The following DTNB variants were observed in gnomAD, a reference collection of about 807,000 sequenced individuals.
The protein encoded by DTNB is DTN-B.
Under a neutral mutation model 90.7 loss-of-function variants are expected in DTNB, and 63 were observed. That is an observed-to-expected ratio of 0.69 (90% CI 0.57 to 0.86). The LOEUF (loss-of-function observed/expected upper bound fraction) is 0.86. DTNB is among the 40% of genes least tolerant of loss of function. The pLI, the probability that DTNB is intolerant of heterozygous loss-of-function variation, is 0.00. For missense variants in DTNB, 744 were observed against 807.1 expected (o/e 0.92, Z 0.95); for synonymous variants, 277 against 286.7 (o/e 0.97, Z 0.34).
intron 12 of DTNB, among the ~76,000 whole-genome samples, chr2:25,446,170 C>T (rs1046656962): frequency 1.3e-5 from 2 of 152,002 alleles, no homozygotes; most frequent in African/African-American, 2.4e-5. Context: ...ACTATTCAAC[C>T]GTCTGTTTTT....
chr2:25,581,115 T>G (rs1394257751), intron 6 of DTNB, among the ~76,000 whole-genome samples: 1 of 152,124 alleles, frequency 6.6e-6, no homozygotes, highest in African/African-American at 2.4e-5. Context: ...AAATAAACCA[T>G]TTAAAAGTTT....
intron 11 of DTNB, among the ~76,000 whole-genome samples, chr2:25,453,481 T>C (rs2059568159): frequency 6.6e-6 from 1 of 152,208 alleles, no homozygotes; most frequent in Non-Finnish European, 1.5e-5. Flanking sequence ...CACTCACTCA[T>C]CATGTTCTCC....
In DTNB at chr2:25,467,502, C is replaced by T. The variant is rs927187557; in HGVS notation, c.1080-12008G>A. ...AATTCTTTGTAAATATGTGGTCTTG[C>T]TGTGTTGCCCATACTGGTCTTGAAC... On this transcript the variant is annotated intron_variant, in intron 10 of 20. Coordinates refer to ENST00000406818, the MANE Select transcript of DTNB (RefSeq NM_021907.5). Among the ~76,000 whole-genome samples, 6 of 152,036 alleles carry T rather than the reference C, an allele frequency of 3.9e-5. No individual in the cohort carries two copies. The Middle Eastern group carries it at 0.017, about 431-fold the overall frequency.
intron 8 of DTNB, among the ~76,000 whole-genome samples, chr2:25,546,849 T>C (rs1252004579): frequency 6.6e-6 from 1 of 152,132 alleles, no homozygotes; most frequent in Non-Finnish European, 1.5e-5. Context: ...TATTCTTTTT[T>C]TTTTTTTCTT....
intron 1 of DTNB, among the ~76,000 whole-genome samples, chr2:25,653,465 C>T (rs1280623229): frequency 6.9e-6 from 1 of 144,294 alleles, no homozygotes; most frequent in Non-Finnish European, 1.5e-5. Flanking sequence ...GAAAAGAAAA[C>T]TGTTCAGAGC....
intron 8 of DTNB, among the ~76,000 whole-genome samples, chr2:25,552,896 C>T (rs1236264294): frequency 8.1e-6 from 1 of 123,082 alleles, no homozygotes; most frequent in Non-Finnish European, 1.6e-5. Context: ...CTCTGTCGCC[C>T]AGGTCGGACT....
chr2:25,623,962 G>A (rs2073480329), intron 4 of DTNB, among the ~76,000 whole-genome samples: 1 of 152,118 alleles, frequency 6.6e-6, no homozygotes, highest in Non-Finnish European at 1.5e-5. Context: ...GGCCATGATG[G>A]GAAGCTGGGG....
At chr2:25,651,751 C>T (rs896205598) in intron 2 of DTNB, among the ~76,000 whole-genome samples, 1 of 152,144 alleles carries the variant, frequency 6.6e-6, no homozygotes, top group Non-Finnish European at 1.5e-5. Context: ...TTGCGATATG[C>T]AGAATTCTAG....
chr2:25,488,911 A>T lies in DTNB; in HGVS notation c.1002-6038T>A, dbSNP rs951792275. Among the ~76,000 whole-genome samples, 9 of 152,330 alleles carry T rather than the reference A, an allele frequency of 5.9e-5. No homozygotes were observed. The South Asian group carries it at 8.3e-4, about 14-fold the overall frequency. On this transcript the variant is annotated intron_variant, in intron 9 of 20. Transcript: ENST00000406818. ...GGTGATCCATCTGCCACAGCCTCCC[A>T]AAGTGCTGGGGTTACAGGCGTGAGC... is the stretch of plus-strand genomic sequence containing the variant.
intron 16 of DTNB, among the ~76,000 whole-genome samples, chr2:25,411,985 G>A (rs2046738291): frequency 6.6e-6 from 1 of 152,176 alleles, no homozygotes; most frequent in Non-Finnish European, 1.5e-5. Flanking sequence ...GTATCCAAAG[G>A]CTAAGAAGGG....
chr2:25,662,659 CACACACACACACACACACACAA>C (rs1252451853), intron 1 of DTNB, among the ~76,000 whole-genome samples: 2 of 64,950 alleles, frequency 3.1e-5, no homozygotes, highest in East Asian at 4.6e-4. Context: ...AATACACACA[CACACACACACACACACACACAA>C]ACACACACAC....
At chr2:25,471,780 A>T (rs1341621633) in intron 10 of DTNB, among the ~76,000 whole-genome samples, 2 of 90,634 alleles carry the variant, frequency 2.2e-5, no homozygotes, top group Admixed American at 1.2e-4. Flanking sequence ...TTCCCTCCCC[A>T]CCCCCCCATT....
intron 1 of DTNB, among the ~76,000 whole-genome samples, chr2:25,659,779 G>A (rs1041615386): frequency 6.6e-6 from 1 of 151,898 alleles, no homozygotes; most frequent in Non-Finnish European, 1.5e-5. Context: ...TTCTGTGAAA[G>A]GAATCTGCAA....
At chr2:25,500,794 C>T (rs965958362) in intron 9 of DTNB, among the ~76,000 whole-genome samples, 59 of 151,988 alleles carry the variant, frequency 3.9e-4, no homozygotes, top group African/African-American at 1.4e-3. Context: ...ATAGCTAGGA[C>T]CAAAACAAAA....
chr2:25,610,998 C>A (rs933135868), intron 4 of DTNB, among the ~76,000 whole-genome samples: 2 of 152,230 alleles, frequency 1.3e-5, no homozygotes, highest in East Asian at 3.8e-4. Flanking sequence ...GCGTGAGCCA[C>A]TGCACCCAGC....
At chr2:25,552,921 C>T (rs1310719044) in intron 8 of DTNB, among the ~76,000 whole-genome samples, 8 of 136,172 alleles carry the variant, frequency 5.9e-5, no homozygotes, top group Admixed American at 3.3e-4. Flanking sequence ...ACTGCAGTGG[C>T]GCAATCTCGG....
intron 3 of DTNB, among the ~76,000 whole-genome samples, chr2:25,633,543 G>GC (rs2076266981): frequency 1.3e-5 from 2 of 152,012 alleles, no homozygotes; most frequent in South Asian, 2.1e-4. Flanking sequence ...GCCTGCCTTG[G>GC]CCCCCCAAAG....
chr2:25,456,631 G>T (rs77240169), intron 10 of DTNB, among the ~76,000 whole-genome samples: 2,383 of 152,100 alleles, frequency 0.016, 22 homozygotes, highest in Non-Finnish European at 0.025. Context: ...AGAGTGCAAT[G>T]GCATGATCTC....
intron 1 of DTNB, among the ~76,000 whole-genome samples, chr2:25,663,216 T>C (rs1341537818): frequency 6.6e-6 from 1 of 152,212 alleles, no homozygotes; most frequent in Non-Finnish European, 1.5e-5. Context: ...TCCAGCTTCA[T>C]CCATGTCCCT....
Sources: gnomAD v4.1 joint callset for allele counts (sites outside exome capture counted in the v4.1 genomes callset) on GRCh38, gnomAD v4.1.1 for gene constraint, MANE v1.5 for transcripts, NCBI Gene and HGNC (gene_info 2026-07-23, HGNC 2026-07-21) for gene names.